The following SAMD4A variants were observed in gnomAD, a reference collection of about 807,000 sequenced individuals.
SAMD4A encodes sterile alpha motif domain containing 4A, also known as protein Smaug homolog 1.
A neutral mutation model predicts 81.3 loss-of-function variants in SAMD4A; 33 were observed. The ratio of observed to expected loss-of-function variants is 0.41; its 90% CI spans 0.31 to 0.54. The LOEUF (loss-of-function observed/expected upper bound fraction) is 0.54. SAMD4A is among the 20% of genes least tolerant of loss of function. SAMD4A has a pLI of 0.37. For missense variants in SAMD4A, 854 were observed against 951.1 expected (o/e 0.90, Z 1.34); for synonymous variants, 389 against 382.1 (o/e 1.02, Z -0.21).
upstream of SAMD4A, among the ~76,000 whole-genome samples, chr14:54,566,124 G>C (rs1463227334): frequency 6.6e-6 from 1 of 151,944 alleles, no homozygotes; most frequent in Non-Finnish European, 1.5e-5. Context: ...TCCGCGAGCC[G>C]ACACTGGAGG....
At chr14:54,787,062 A>G (rs1037676733) in intron 12 of SAMD4A, among the ~76,000 whole-genome samples, 24 of 152,214 alleles carry the variant, frequency 1.6e-4, no homozygotes, top group Non-Finnish European at 3.1e-4. Context: ...AGGTGCCAGG[A>G]AAGATGGCCT....
At chr14:54,696,840 A>C (rs1395004453) in intron 2 of SAMD4A, 1 of 152,238 alleles carries the variant, frequency 6.6e-6, no homozygotes, top group Non-Finnish European at 1.5e-5. Flanking sequence ...TGCTCCTTAT[A>C]CAGAGAAATA....
rs553468153 is a variant in SAMD4A, at chr14:54,639,454, G to A, written c.197-62608G>A. The stretch of plus-strand genomic sequence containing the variant: ...GTTCTCTCTCAACTAAGGCAGCAGG[G>A]TTGGCGTGAGGGGGGCAAAGGAGGG... On this transcript the variant is annotated intron_variant, in intron 2 of 12. Coordinates refer to ENST00000554335, the MANE Select transcript of SAMD4A (RefSeq NM_015589.6). Among the ~76,000 whole-genome samples the A allele has an allele frequency of 2.5e-4, 38 of 152,300 alleles. No homozygotes were observed. In the East Asian group the frequency reaches 7.1e-3, roughly 29 times the overall value.
At chr14:54,777,956 T>C (rs978958120) in intron 11 of SAMD4A, among the ~76,000 whole-genome samples, 9 of 152,192 alleles carry the variant, frequency 5.9e-5, no homozygotes, top group African/African-American at 2.2e-4. Context: ...GAAGGCTTTA[T>C]CCCAGGGTCC....
At chr14:54,626,560 G>A (rs972329576) in intron 2 of SAMD4A, among the ~76,000 whole-genome samples, 12 of 152,138 alleles carry the variant, frequency 7.9e-5, no homozygotes, top group South Asian at 2.1e-4. Context: ...GGCCAACTTT[G>A]ACTTTCCAAG....
upstream of SAMD4A, among the ~76,000 whole-genome samples, chr14:54,566,100 G>T (rs1042933613): frequency 1.3e-5 from 2 of 151,508 alleles, no homozygotes; most frequent in African/African-American, 4.8e-5. Context: ...GCTCCGGCTC[G>T]GGCGGCTCAG....
At chr14:54,685,287 G>A (rs2036236908) in intron 2 of SAMD4A, among the ~76,000 whole-genome samples, 1 of 114,776 alleles carries the variant, frequency 8.7e-6, no homozygotes, top group African/African-American at 3.6e-5. Context: ...CCCCCCCCCA[G>A]CTCCTGGCAG....
At chr14:54,690,433 T>A (rs2036403450) in intron 2 of SAMD4A, among the ~76,000 whole-genome samples, 2 of 152,190 alleles carry the variant, frequency 1.3e-5, no homozygotes, top group African/African-American at 4.8e-5. Flanking sequence ...TAAGCTCTTT[T>A]TTTTTTTCTG....
chr14:54,743,751 A>G (rs1011019362), intron 4 of SAMD4A, among the ~76,000 whole-genome samples: 2 of 152,220 alleles, frequency 1.3e-5, no homozygotes, highest in African/African-American at 2.4e-5. Context: ...AGAGGCCTCC[A>G]TGGACACTTC....
At chr14:54,741,050 G>T (rs558077863) in intron 4 of SAMD4A, among the ~76,000 whole-genome samples, 66 of 152,292 alleles carry the variant, frequency 4.3e-4, no homozygotes, top group African/African-American at 1.3e-3. Context: ...GGTTATACAT[G>T]TTTGGACTAA....
intron 2 of SAMD4A, among the ~76,000 whole-genome samples, chr14:54,581,514 T>C (rs1411879366): frequency 6.6e-6 from 1 of 152,252 alleles, no homozygotes; most frequent in African/African-American, 2.4e-5. Context: ...AAGTTAAGTT[T>C]GTATTCACTT....
At chr14:54,738,945 G>T (rs1360991432) in intron 4 of SAMD4A, among the ~76,000 whole-genome samples, 1 of 152,098 alleles carries the variant, frequency 6.6e-6, no homozygotes, top group East Asian at 1.9e-4. Context: ...TCCTATAGAA[G>T]GGCCATTCAC....
chr14:54,764,358 C>T, intron 7 of SAMD4A, 97 bp from the exon 8 acceptor site: 6 of 802,204 alleles, frequency 7.5e-6, no homozygotes, highest in South Asian at 5.1e-5. Flanking sequence ...GACACACATA[C>T]CTCTCAGAGT....
chr14:54,622,210 A>C (rs2034634358), intron 2 of SAMD4A, among the ~76,000 whole-genome samples: 1 of 152,212 alleles, frequency 6.6e-6, no homozygotes, highest in African/African-American at 2.4e-5. Context: ...TTAATCATTT[A>C]GAGTTTGTTA....
intron 11 of SAMD4A, among the ~76,000 whole-genome samples, chr14:54,780,977 T>A (rs1173568162): frequency 2.0e-5 from 3 of 152,062 alleles, no homozygotes; most frequent in Admixed American, 6.6e-5. Flanking sequence ...CCCTTTCTTC[T>A]TAGTTCTCTT....
rs897326568 is a variant in SAMD4A at position 54,789,125 on chromosome 14, T to C, written c.*181T>C. ...ATCCTCGTAAACATATCAGTAGACCTGGGGTTGGTTATTTTGTCATTTGTT... is the reference window on the plus strand; with the variant it reads ...ATCCTCGTAAACATATCAGTAGACCCGGGGTTGGTTATTTTGTCATTTGTT... On this transcript the variant is annotated 3_prime_UTR_variant, in exon 13 of 13. Coordinates refer to ENST00000554335, the MANE Select transcript of SAMD4A (RefSeq NM_015589.6). 6 of 610,920 alleles carry C rather than the reference T, an allele frequency of 9.8e-6. No individual in the cohort carries two copies. Among genetic ancestry groups the C allele is most frequent in the Non-Finnish European group, 1.7e-5 (6 of 343,922 alleles). 37.8% of individuals were successfully genotyped at this position (610,920 alleles called of 1,614,324 possible).
intron 2 of SAMD4A, among the ~76,000 whole-genome samples, chr14:54,571,080 A>G (rs1176180522): frequency 2.0e-5 from 3 of 152,238 alleles, no homozygotes; most frequent in Non-Finnish European, 4.4e-5. Flanking sequence ...CGTTTTATGC[A>G]GGACTGATTT....
intron 12 of SAMD4A, among the ~76,000 whole-genome samples, chr14:54,785,708 T>C (rs1003357156): frequency 1.3e-5 from 2 of 152,210 alleles, no homozygotes; most frequent in Admixed American, 1.3e-4. Flanking sequence ...GACCTAAGGT[T>C]GTTAGATTTT....
chr14:54,754,882 C>T, intron 6 of SAMD4A: 1 of 986,862 alleles, frequency 1.0e-6, no homozygotes, highest in Non-Finnish European at 1.2e-6. Context: ...TTTGCCCCAT[C>T]CATTGGAGAT....
Sources: allele counts gnomAD v4.1 joint callset (sites outside exome capture counted in the v4.1 genomes callset), GRCh38; gene constraint gnomAD v4.1.1; transcripts MANE v1.5; gene names NCBI Gene and HGNC (gene_info 2026-07-23, HGNC 2026-07-21).